The following LRP2 variants were observed in gnomAD, a reference collection of about 807,000 sequenced individuals.
The protein encoded by LRP2 is LDL receptor related protein 2.
In LRP2, 172 loss-of-function variants were observed where a neutral mutation model predicts 531.0. The ratio of observed to expected loss-of-function variants is 0.32; its 90% CI spans 0.29 to 0.37. The LOEUF is 0.37. LRP2 is among the 10% of genes least tolerant of loss of function. The pLI is 1.00. For missense variants in LRP2, 5,167 were observed against 5,868.3 expected, an observed-to-expected ratio of 0.88 and a Z score of 3.90; for synonymous variants, 1,992 against 2,027.6, an observed-to-expected ratio of 0.98 and a Z score of 0.47.
In LRP2 at chr2:169,243,534, C is replaced by T. The variant is rs1689890684; in HGVS notation, c.3431-12G>A. 1.2e-6 allele frequency: 2 copies of T among 1,613,578 alleles called. No individual in the cohort carries two copies. The highest frequency in any genetic ancestry group is 1.7e-5 in the Admixed American group (1 of 59,966). The stretch of plus-strand genomic sequence containing the variant: ...TGTCTCTGTCGAATCTAATGTCATC[C>T]GAAAACAAAACCAACAAGTTTATTT... On this transcript the variant is annotated splice_polypyrimidine_tract_variant and intron_variant, in intron 22 of 78. Coordinates refer to ENST00000649046, the MANE Select transcript of LRP2 (RefSeq NM_004525.3).
At chr2:169,318,698 T>C in intron 3 of LRP2, 64 bp downstream of exon 3, 1 of 1,611,748 alleles carries the variant, frequency 6.2e-7, no homozygotes, top group South Asian at 1.1e-5. Context: ...GTGTAACTTC[T>C]TTGCGACAGG....
At position 169,300,497 on chromosome 2, in the gene LRP2, A is replaced by G. The variant is rs572546830; in HGVS notation, c.428-5787T>C. On this transcript the variant is annotated intron_variant, in intron 4 of 78. Coordinates refer to ENST00000649046, the MANE Select transcript of LRP2 (RefSeq NM_004525.3). ...AAAAAAAATTTTTTTAAAGAAAGAA[A>G]CAGGACGAGGGTAAACGGAAACAGC... 2.0e-5 allele frequency among the ~76,000 whole-genome samples: 3 copies of G among 152,252 alleles called. No individual in the cohort carries two copies. In the East Asian group the frequency reaches 5.8e-4, roughly 29 times the overall value.
intron 3 of LRP2, among the ~76,000 whole-genome samples, chr2:169,308,443 A>G (rs1684489615): frequency 6.6e-6 from 1 of 151,994 alleles, no homozygotes; most frequent in Non-Finnish European, 1.5e-5. Flanking sequence ...TCATTGTTCA[A>G]TTCCCACCTA....
intron 1 of LRP2, among the ~76,000 whole-genome samples, chr2:169,357,932 C>A (rs147617991): frequency 6.6e-6 from 1 of 152,068 alleles, no homozygotes; most frequent in Non-Finnish European, 1.5e-5. Flanking sequence ...TTCAGGAATG[C>A]GCTTTGATGG....
At chr2:169,179,419 T>C (rs1687343446) in intron 52 of LRP2, among the ~76,000 whole-genome samples, 1 of 152,180 alleles carries the variant, frequency 6.6e-6, no homozygotes, top group Admixed American at 6.5e-5. Context: ...GAGTACTTTT[T>C]GTCAAGAGTA....
intron 46 of LRP2, among the ~76,000 whole-genome samples, chr2:169,195,983 G>A (rs543905387): frequency 6.6e-6 from 1 of 152,236 alleles, no homozygotes; most frequent in Non-Finnish European, 1.5e-5. Flanking sequence ...TACTATAGAG[G>A]AATAAAATAA....
rs201431879 is a variant in LRP2, at chr2:169,318,717, T to G, written c.310+45A>C. On this transcript the variant is annotated intron_variant, in intron 3 of 78. Transcript: ENST00000649046. ...AACTTCTTTGCGACAGGTTGGGTTT[T>G]AGGTGTCCACAAAGCCAAAGCAAGA... 32 of 1,613,766 alleles carry G rather than the reference T, an allele frequency of 2.0e-5. No individual in the cohort carries two copies. The East Asian group carries it at 7.1e-4, about 36-fold the overall frequency.
At chr2:169,312,609 G>A (rs1191213313) in intron 3 of LRP2, among the ~76,000 whole-genome samples, 5 of 152,180 alleles carry the variant, frequency 3.3e-5, no homozygotes, top group South Asian at 2.1e-4. Context: ...TGGGTAACCC[G>A]ACCTTTCTCT....
rs368804697 is a variant in LRP2, at chr2:169,268,654, T to C, written c.2320+2250A>G. On this transcript the variant is annotated intron_variant, in intron 16 of 78. Transcript: ENST00000649046. ...AACCCACAGCCAATATCATACTGAA[T>C]GGACAAAAACTGGAAGCATTCCCTT... Among the ~76,000 whole-genome samples, 4 of 152,210 alleles carry C rather than the reference T, an allele frequency of 2.6e-5. No homozygotes were observed. The East Asian group carries it at 5.8e-4, about 22-fold the overall frequency.
At chr2:169,174,670 G>A (rs1184634354) in intron 55 of LRP2, among the ~76,000 whole-genome samples, 1 of 152,032 alleles carries the variant, frequency 6.6e-6, no homozygotes, top group African/African-American at 2.4e-5. Context: ...CACCATGCCA[G>A]GCTAATTTTT....
intron 10 of LRP2, among the ~76,000 whole-genome samples, chr2:169,281,174 C>T (rs1029369540): frequency 6.6e-6 from 1 of 152,202 alleles, no homozygotes; most frequent in African/African-American, 2.4e-5. Flanking sequence ...GTAATCCCAG[C>T]ACTTTGAGGG....
intron 1 of LRP2, among the ~76,000 whole-genome samples, chr2:169,327,534 T>G (rs112690515): frequency 2.7e-4 from 22 of 82,268 alleles, no homozygotes; most frequent in Non-Finnish European, 3.0e-4. Context: ...GGGAGGGAGG[T>G]GGGGTCAGCC....
At chr2:169,147,466 C>T (rs1352497043) in intron 68 of LRP2, among the ~76,000 whole-genome samples, 1 of 152,092 alleles carries the variant, frequency 6.6e-6, no homozygotes, top group Non-Finnish European at 1.5e-5. Context: ...AGGCATGTGC[C>T]ACCATGCCTG....
chr2:169,289,237 A>G, intron 8 of LRP2, 92 bp from the exon 9 acceptor site: 6 of 1,493,466 alleles, frequency 4.0e-6, no homozygotes, highest in Non-Finnish European at 5.6e-6. Context: ...GTAGCAGCTC[A>G]GTAAGCATGA....
intron 48 of LRP2, among the ~76,000 whole-genome samples, chr2:169,190,114 T>A (rs1044819191): frequency 1.3e-5 from 2 of 152,236 alleles, no homozygotes; most frequent in Non-Finnish European, 2.9e-5. Flanking sequence ...TGCTATTAGC[T>A]ATTTACCAAA....
chr2:169,339,233 C>T (rs941333404), intron 1 of LRP2, among the ~76,000 whole-genome samples: 3 of 151,878 alleles, frequency 2.0e-5, no homozygotes, highest in African/African-American at 7.3e-5. Flanking sequence ...TAGCTAATTC[C>T]CCCAAAAGCT....
Position 169,156,377 on chromosome 2 carries a change from A to T in LRP2, c.12048T>A (p.Thr4016=), listed in dbSNP as rs1272093026. 6.2e-7 allele frequency: 1 copy of T among 1,613,538 alleles called. No individual in the cohort carries two copies. Among genetic ancestry groups the T allele is most frequent in the African/African-American group, 1.3e-5 (1 of 74,890 alleles). ...TGGTATTTCTGCAGTGCTGGGGACA[A>T]GTCCCAAATTGTTCACATTCATTGA... ...LDINECEQFG[T]CPQHCRNTKG... is the part of the protein sequence containing the mutation. Residue 4016 remains threonine, a synonymous_variant, in exon 65 of 79, where the codon ACT becomes ACA. Transcript: ENST00000649046.
At position 169,237,094 on chromosome 2, in the gene LRP2, A is replaced by G; in HGVS notation, c.4691+9T>C. On this transcript the variant is annotated intron_variant, in intron 28 of 78. Transcript: ENST00000649046. Reference sequence around the variant, plus strand: ...GTCAAGGCAACATAATTTTAAAAAAAAGTCTTACTTCATTCTGGGATCTAA... The same window carrying G: ...GTCAAGGCAACATAATTTTAAAAAAGAGTCTTACTTCATTCTGGGATCTAA... The G allele has an allele frequency of 1.2e-6, 2 of 1,611,668 alleles. No homozygotes were observed. Among genetic ancestry groups the G allele is most frequent in the South Asian group, 1.1e-5 (1 of 91,018 alleles).
chr2:169,264,191 A>G (rs1475582526), intron 16 of LRP2, among the ~76,000 whole-genome samples: 3 of 152,130 alleles, frequency 2.0e-5, no homozygotes, highest in Admixed American at 6.6e-5. Flanking sequence ...ACATGTATAC[A>G]TATGTAACTA....
Sources: gnomAD v4.1 joint callset for allele counts (sites outside exome capture counted in the v4.1 genomes callset) on GRCh38, gnomAD v4.1.1 for gene constraint, MANE v1.5 for transcripts, NCBI Gene and HGNC (gene_info 2026-07-23, HGNC 2026-07-21) for gene names.